The following CATSPERE variants were observed in gnomAD, a reference collection of about 807,000 sequenced individuals.
CATSPERE encodes the protein cation channel sperm-associated auxiliary subunit epsilon.
A neutral mutation model predicts 114.1 loss-of-function variants in CATSPERE; 93 were observed. The observed-to-expected ratio is 0.81, with a 90% confidence interval of 0.69 to 0.97. The LOEUF (loss-of-function observed/expected upper bound fraction) is 0.97, where lower values mean the gene tolerates loss of function less well. Among genes scored for constraint, CATSPERE ranks in the 50% least tolerant of loss-of-function variants. CATSPERE has a pLI of 0.00. For synonymous variants in CATSPERE, 341 were observed against 384.1 expected (o/e 0.89, Z 1.31); for missense variants, 1,058 against 1,131.6 (o/e 0.93, Z 0.93).
intron 6 of CATSPERE, among the ~76,000 whole-genome samples, chr1:244,494,142 C>T (rs1467538007): frequency 1.3e-5 from 2 of 152,078 alleles, no homozygotes; most frequent in Non-Finnish European, 2.9e-5. Context: ...GCTATAAAGA[C>T]ACATGCACAC....
At chr1:244,503,499 T>C (rs1393683395) in intron 7 of CATSPERE, among the ~76,000 whole-genome samples, 1 of 152,216 alleles carries the variant, frequency 6.6e-6, no homozygotes, top group Non-Finnish European at 1.5e-5. Context: ...TTTACCCTCT[T>C]ATCAATATAT....
chr1:244,569,938 G>T (rs1664193022), intron 10 of CATSPERE, among the ~76,000 whole-genome samples: 1 of 152,116 alleles, frequency 6.6e-6, no homozygotes, highest in Admixed American at 6.5e-5. Flanking sequence ...TTTATTGGCA[G>T]TCTTCTCTGC....
chr1:244,478,088 T>C (rs1182535290), intron 4 of CATSPERE, 113 bp downstream of exon 4: 1 of 728,782 alleles, frequency 1.4e-6, no homozygotes, highest in East Asian at 2.9e-5. Flanking sequence ...CTGTTTTAAA[T>C]AGTATTAATT....
At chr1:244,512,591 T>C (rs1675952435) in intron 7 of CATSPERE, among the ~76,000 whole-genome samples, 1 of 152,164 alleles carries the variant, frequency 6.6e-6, no homozygotes, top group South Asian at 2.1e-4. Context: ...TTGGGATCTG[T>C]TACAGAGAAT....
chr1:244,491,260 G>A (rs1672097901), intron 6 of CATSPERE, among the ~76,000 whole-genome samples: 1 of 152,156 alleles, frequency 6.6e-6, no homozygotes, highest in East Asian at 1.9e-4. Context: ...AGACCACAGT[G>A]CAATCAAACT....
intron 7 of CATSPERE, among the ~76,000 whole-genome samples, chr1:244,503,894 A>T (rs1375747701): frequency 6.6e-6 from 1 of 152,018 alleles, no homozygotes; most frequent in Non-Finnish European, 1.5e-5. Context: ...ATGCTATTAA[A>T]CCCACTCACT....
At position 244,614,220 on chromosome 1, in the gene CATSPERE, C is replaced by G. The variant is rs960848840; in HGVS notation, c.2491-3309C>G. Among the ~76,000 whole-genome samples the G allele has an allele frequency of 2.0e-5, 3 of 152,372 alleles. No homozygotes were observed. In the East Asian group the frequency reaches 5.8e-4, roughly 29 times the overall value. On this transcript the variant is annotated intron_variant, in intron 19 of 21. Coordinates refer to ENST00000366534, the MANE Select transcript of CATSPERE (RefSeq NM_001130957.2). ...AAAGCCTCCGCAACTCAGCACAGGT[C>G]GCTCAAGCTGTGTTCCTAGAGCTTC...
chr1:244,488,832 T>C (rs1226792728), intron 5 of CATSPERE, among the ~76,000 whole-genome samples: 1 of 152,170 alleles, frequency 6.6e-6, no homozygotes, highest in Non-Finnish European at 1.5e-5. Context: ...TTAAGATATA[T>C]AGTAGCTATT....
intron 7 of CATSPERE, among the ~76,000 whole-genome samples, chr1:244,518,092 A>G (rs905243079): frequency 2.0e-5 from 3 of 152,114 alleles, no homozygotes; most frequent in Non-Finnish European, 4.4e-5. Context: ...AATAATTCCA[A>G]CTCAATTCCC....
rs539889554 is a variant in CATSPERE at position 244,595,669 on chromosome 1, C to T, written c.2303+2091C>T. ...GCTTTAGGCTGGGCACAGTGGCTCA[C>T]GCCTGTAATCCCAGCACTTTGGGAG... On this transcript the variant is annotated intron_variant, in intron 17 of 21. Coordinates refer to ENST00000366534, the MANE Select transcript of CATSPERE (RefSeq NM_001130957.2). Among the ~76,000 whole-genome samples, 29 of 152,280 alleles carry T rather than the reference C, an allele frequency of 1.9e-4. No individual in the cohort carries two copies. The South Asian group carries it at 4.1e-3, about 22-fold the overall frequency.
chr1:244,634,901 G>C (rs1343342349), intron 20 of CATSPERE, among the ~76,000 whole-genome samples: 1 of 152,210 alleles, frequency 6.6e-6, no homozygotes, highest in Non-Finnish European at 1.5e-5. Flanking sequence ...CTGGAGTGCA[G>C]CGGCGCAATC....
intron 8 of CATSPERE, among the ~76,000 whole-genome samples, chr1:244,538,554 G>C (rs1194938922): frequency 1.3e-5 from 2 of 152,114 alleles, no homozygotes; most frequent in Admixed American, 1.3e-4. Context: ...CAATATCCAA[G>C]AACTCAGAAG....
chr1:244,463,414 C>T (rs1558302732), intron 1 of CATSPERE, among the ~76,000 whole-genome samples: 1 of 152,030 alleles, frequency 6.6e-6, no homozygotes, highest in Non-Finnish European at 1.5e-5. Flanking sequence ...GTGGCATGCG[C>T]CTGTAGTCCC....
chr1:244,627,162 G>A (rs1192269361), intron 20 of CATSPERE, among the ~76,000 whole-genome samples: 2 of 152,124 alleles, frequency 1.3e-5, no homozygotes, highest in South Asian at 2.1e-4. Context: ...GGAGAGATGC[G>A]GGATGGGGGT....
intron 6 of CATSPERE, among the ~76,000 whole-genome samples, chr1:244,495,153 TAAGA>T (rs1672893754): frequency 6.6e-6 from 1 of 152,062 alleles, no homozygotes; most frequent in South Asian, 2.1e-4. Flanking sequence ...ATATGGAATT[TAAGA>T]GCAGGAAAAG....
chr1:244,488,333 C>G (rs1671409501), intron 5 of CATSPERE, among the ~76,000 whole-genome samples: 1 of 152,142 alleles, frequency 6.6e-6, no homozygotes, highest in Non-Finnish European at 1.5e-5. Context: ...TCCTTCACTC[C>G]CTAATACCAC....
chr1:244,605,694 G>C lies in CATSPERE; in HGVS notation c.2304-1G>C. The C allele has an allele frequency of 1.3e-6, 2 of 1,598,102 alleles. No homozygotes were observed. Among genetic ancestry groups the C allele is most frequent in the East Asian group, 4.5e-5 (2 of 44,694 alleles). On this transcript the variant is annotated splice_acceptor_variant, in intron 17 of 21. Transcript: ENST00000366534. LOFTEE classifies it high-confidence loss of function. ...ATCTTTCTGTTTGTTGTTTCTTTCAGATTTGATGATAATGGCTATGTTAAA... is the reference window on the plus strand; with the variant it reads ...ATCTTTCTGTTTGTTGTTTCTTTCACATTTGATGATAATGGCTATGTTAAA...
intron 8 of CATSPERE, among the ~76,000 whole-genome samples, chr1:244,539,555 T>C (rs1345856810): frequency 4.9e-5 from 7 of 141,994 alleles, no homozygotes; most frequent in African/African-American, 1.0e-4. Context: ...ATGGTACCAG[T>C]TCCTCCTTGT....
intron 20 of CATSPERE, among the ~76,000 whole-genome samples, chr1:244,622,595 G>T (rs945038713): frequency 1.3e-4 from 20 of 151,848 alleles, no homozygotes; most frequent in African/African-American, 4.8e-4. Flanking sequence ...GTAGAGACAG[G>T]GTTTCGCCAT....
Sources: gnomAD v4.1 joint callset for allele counts (sites outside exome capture counted in the v4.1 genomes callset) on GRCh38, gnomAD v4.1.1 for gene constraint, MANE v1.5 for transcripts, NCBI Gene and HGNC (gene_info 2026-07-23, HGNC 2026-07-21) for gene names.